Variants in FAM91A1 observed in about 807,000 individuals in gnomAD.
FAM91A1 encodes family with sequence similarity 91 member A1, also known as protein FAM91A1.
In FAM91A1, 41 loss-of-function variants were observed where a neutral mutation model predicts 113.5. The ratio of observed to expected loss-of-function variants is 0.36; its 90% CI spans 0.28 to 0.47. The LOEUF (loss-of-function observed/expected upper bound fraction) is 0.47, where lower values mean the gene tolerates loss of function less well. Among genes scored for constraint, FAM91A1 ranks in the 20% least tolerant of loss-of-function variants. FAM91A1 has a pLI of 1.00. For missense variants in FAM91A1, 696 were observed against 1,001.2 expected (o/e 0.70, Z 4.11); for synonymous variants, 307 against 347.9 (o/e 0.88, Z 1.31).
rs114335996 is a variant in FAM91A1, at chr8:123,795,243, A to G, written c.1412-2847A>G. ...GTTTCTGTTGACCGAGAGGCAGCAGATGAGTTCCCAGATGCTAATATGTTT... is the reference window on the plus strand; with the variant it reads ...GTTTCTGTTGACCGAGAGGCAGCAGGTGAGTTCCCAGATGCTAATATGTTT... On this transcript the variant is annotated intron_variant, in intron 15 of 23. Coordinates refer to ENST00000334705, the MANE Select transcript of FAM91A1 (RefSeq NM_144963.4). Among the ~76,000 whole-genome samples the G allele has an allele frequency of 2.3e-3, 351 of 152,318 alleles. 1 individual carries two copies. The highest frequency in any genetic ancestry group is 7.9e-3 in the African/African-American group (329 of 41,572).
Position 123,810,269 on chromosome 8 carries a change from T to A in FAM91A1, c.2262-13T>A. On this transcript the variant is annotated splice_polypyrimidine_tract_variant and intron_variant, in intron 22 of 23. Transcript: ENST00000334705. ...GTTTGTTTTAAACTGTTTCTCGCCT[T>A]TTTTTTTTTCAGCCTTCAAAACCTC... 1 of 1,542,628 alleles carries A rather than the reference T, an allele frequency of 6.5e-7. No individual in the cohort carries two copies. Among genetic ancestry groups the A allele is most frequent in the Non-Finnish European group, 8.8e-7 (1 of 1,138,890 alleles).
rs199753441 is a variant in FAM91A1 at position 123,812,599 on chromosome 8, T to C, written c.2412T>C (p.Gly804=). The change falls in exon 24 of 24, where the codon GGT becomes GGC. Residue 804 remains glycine (G), a synonymous_variant. Coordinates refer to ENST00000334705, the MANE Select transcript of FAM91A1 (RefSeq NM_144963.4). The part of the protein sequence containing the change: ...LLSQSSCADM[G]VPLPAKNLIF... ...CACAGTCATCGTGTGCTGACATGGG[T>C]GTTCCACTTCCTGCAAAAAACTTAA... 4.0e-5 allele frequency: 64 copies of C among 1,611,986 alleles called. No individual in the cohort carries two copies. The East Asian group carries it at 1.2e-3, about 31-fold the overall frequency.
chr8:123,796,210 A>G (rs1401581459), intron 15 of FAM91A1, among the ~76,000 whole-genome samples: 3 of 152,176 alleles, frequency 2.0e-5, no homozygotes, highest in African/African-American at 7.2e-5. Flanking sequence ...ACAGTAGTCT[A>G]TAGAAAGGAT....
chr8:123,792,655 C>CT (rs1285051906), intron 15 of FAM91A1, among the ~76,000 whole-genome samples: 4 of 152,300 alleles, frequency 2.6e-5, no homozygotes, highest in Non-Finnish European at 4.4e-5. Context: ...ACCATGAACT[C>CT]TTTAGACTTC....
At position 123,812,999 on chromosome 8, in the gene FAM91A1, T is replaced by C; in HGVS notation, c.*295T>C. ...GGCTTTATGATGACTGTTATGTTTA[T>C]AAGCAGTCACTATGAAAATTGCAAT... is the stretch of plus-strand genomic sequence containing the variant. On this transcript the variant is annotated 3_prime_UTR_variant, in exon 24 of 24. Coordinates refer to ENST00000334705, the MANE Select transcript of FAM91A1 (RefSeq NM_144963.4). 4.5e-6 allele frequency: 1 copy of C among 219,922 alleles called. No homozygotes were observed. The highest frequency in any genetic ancestry group is 8.9e-6 in the Non-Finnish European group (1 of 112,514). 13.6% of individuals were successfully genotyped at this position (219,922 alleles called of 1,614,324 possible). A position where few individuals can be genotyped will look rare whatever the true frequency, so the allele number is the denominator to read the frequency against.
intron 2 of FAM91A1, 52 bp from the exon 3 acceptor site, chr8:123,775,095 T>C: frequency 6.7e-7 from 1 of 1,490,272 alleles, no homozygotes; most frequent in Non-Finnish European, 9.0e-7. Context: ...ATAGTTAATA[T>C]ATAACTATAA....
In FAM91A1 at chr8:123,783,160, AG is replaced by A. The variant is rs533904498; in HGVS notation, c.704-1309del. Among the ~76,000 whole-genome samples the A allele has an allele frequency of 1.1e-3, 162 of 152,284 alleles. 7 individuals are homozygous for A. The South Asian group carries it at 0.033, about 31-fold the overall frequency. Reference sequence around the variant, plus strand: ...CCCTGCATTCCAGCCTAGGTGACAGAGTGAGACCCTGTCTCAATAAATAAAT... The same window carrying A: ...CCCTGCATTCCAGCCTAGGTGACAGATGAGACCCTGTCTCAATAAATAAAT... On this transcript the variant is annotated intron_variant, in intron 8 of 23. Transcript: ENST00000334705.
chr8:123,783,559 T>C (rs905451119), intron 8 of FAM91A1, among the ~76,000 whole-genome samples: 7 of 152,220 alleles, frequency 4.6e-5, no homozygotes, highest in Non-Finnish European at 8.8e-5. Flanking sequence ...AATTTTGTCT[T>C]ATTTTTCACT....
At chr8:123,779,239 A>G (rs923224373) in intron 6 of FAM91A1, among the ~76,000 whole-genome samples, 3 of 152,220 alleles carry the variant, frequency 2.0e-5, no homozygotes, top group Admixed American at 6.5e-5. Flanking sequence ...CTCATGTCTT[A>G]GTGGTAGTAA....
In FAM91A1 at chr8:123,778,713, A is replaced by G; in HGVS notation, c.490A>G (p.Ile164Val). The G allele has an allele frequency of 6.2e-7, 1 of 1,609,718 alleles. No individual in the cohort carries two copies. Among genetic ancestry groups the G allele is most frequent in the Non-Finnish European group, 8.5e-7 (1 of 1,178,554 alleles). Residue 164 changes from isoleucine (I) to valine (V), a missense_variant, in exon 6 of 24, where the codon ATT (isoleucine) becomes GTT (valine). By Grantham distance (29) the Ile-to-Val change is conservative. Coordinates refer to ENST00000334705, the MANE Select transcript of FAM91A1 (RefSeq NM_144963.4). ...RDLLPIKPVE[I>V]AIEAWWVVQA... ...TCTTCTACCAATAAAGCCAGTGGAA[A>G]TTGCCATAGAGGCGTGGTGGGTGGT...
At chr8:123,773,516 C>G (rs138776802) in intron 1 of FAM91A1, among the ~76,000 whole-genome samples, 1 of 152,100 alleles carries the variant, frequency 6.6e-6, no homozygotes, top group African/African-American at 2.4e-5. Flanking sequence ...AAAATGGCTC[C>G]GAATTCTAAA....
chr8:123,792,169 C>T (rs866336247), intron 15 of FAM91A1, among the ~76,000 whole-genome samples: 9 of 151,886 alleles, frequency 5.9e-5, no homozygotes, highest in Non-Finnish European at 7.4e-5. Flanking sequence ...ACTGAGACTC[C>T]GTCTCAGAAG....
At chr8:123,804,885 G>T (rs1054029288) in intron 18 of FAM91A1, among the ~76,000 whole-genome samples, 1 of 152,104 alleles carries the variant, frequency 6.6e-6, no homozygotes, top group African/African-American at 2.4e-5. Flanking sequence ...TTTGAGTTTT[G>T]CATTCTTAGC....
In FAM91A1 at chr8:123,768,490, C is replaced by T. The variant is rs945418221; in HGVS notation, c.-213C>T. The T allele has an allele frequency of 7.5e-5, 36 of 481,884 alleles. No homozygotes were observed. Among genetic ancestry groups the T allele is most frequent in the Non-Finnish European group, 1.1e-4 (31 of 274,518 alleles). The allele number at this position is 481,884 out of a possible 1,614,324, so 29.9% of individuals were successfully genotyped here. On this transcript the variant is annotated 5_prime_UTR_variant, in exon 1 of 24. Coordinates refer to ENST00000334705, the MANE Select transcript of FAM91A1 (RefSeq NM_144963.4). Reference sequence around the variant, plus strand: ...AGGAAGAAACTTGGAGCTGTTCAGGCGATCCAGCCTCCAATCGCTGCTGCT... The same window carrying T: ...AGGAAGAAACTTGGAGCTGTTCAGGTGATCCAGCCTCCAATCGCTGCTGCT...
rs1816008523 is a variant in FAM91A1, at chr8:123,813,599, A to G, written c.*895A>G. 1.3e-5 allele frequency: 2 copies of G among 152,338 alleles called. No homozygotes were observed. The highest frequency in any genetic ancestry group is 4.8e-5 in the African/African-American group (2 of 41,472). The allele number at this position is 152,338 out of a possible 1,614,324, so 9.4% of individuals were successfully genotyped here. On this transcript the variant is annotated 3_prime_UTR_variant, in exon 24 of 24. Transcript: ENST00000334705. ...AGCATTAAGACTATGTCTTTGGATC[A>G]GAATGCTTTAGTGATAAACCTACTT... is the stretch of plus-strand genomic sequence containing the variant.
intron 15 of FAM91A1, among the ~76,000 whole-genome samples, 176 bp downstream of exon 15, chr8:123,789,921 C>A (rs1278082949): frequency 6.6e-6 from 1 of 152,064 alleles, no homozygotes; most frequent in Non-Finnish European, 1.5e-5. Flanking sequence ...TGTTTCTTAA[C>A]CTTATTTTAC....
At chr8:123,788,029 TA>T (rs1217514069) in intron 14 of FAM91A1, among the ~76,000 whole-genome samples, 11 of 152,224 alleles carry the variant, frequency 7.2e-5, no homozygotes, top group African/African-American at 2.4e-5. Flanking sequence ...TTTTAGTCTG[TA>T]ATGTTTTAAG....
chr8:123,769,502 C>T (rs1430840872), intron 1 of FAM91A1, among the ~76,000 whole-genome samples: 2 of 152,144 alleles, frequency 1.3e-5, no homozygotes, highest in Non-Finnish European at 2.9e-5. Context: ...ACTTTATCCT[C>T]CAGACAAGAT....
At chr8:123,786,382 A>G (rs1815257875) in intron 11 of FAM91A1, 113 bp from the exon 12 acceptor site, 3 of 801,598 alleles carry the variant, frequency 3.7e-6, no homozygotes, top group Admixed American at 4.6e-5. Flanking sequence ...GGGCTTGAAT[A>G]TAAGACTGAA....
Sources: allele counts gnomAD v4.1 joint callset (sites outside exome capture counted in the v4.1 genomes callset), GRCh38; gene constraint gnomAD v4.1.1; transcripts MANE v1.5; gene names NCBI Gene and HGNC (gene_info 2026-07-23, HGNC 2026-07-21).